DAP3: variants seen among roughly 807,000 people sequenced by gnomAD.
DAP3 encodes death associated protein 3.
A neutral mutation model predicts 51.9 loss-of-function variants in DAP3; 28 were observed. The ratio of observed to expected loss-of-function variants is 0.54; its 90% CI spans 0.40 to 0.74. DAP3 has a LOEUF of 0.74. Among genes scored for constraint, DAP3 ranks in the 30% least tolerant of loss-of-function variants. The pLI, the probability that DAP3 is intolerant of heterozygous loss-of-function variation, is 0.00. For synonymous variants in DAP3, 170 were observed against 170.3 expected, an observed-to-expected ratio of 1.00 and a Z score of 0.01; for missense variants, 458 against 483.5, an observed-to-expected ratio of 0.95 and a Z score of 0.49.
intron 11 of DAP3, chr1:155,736,560 G>A (rs1188788435): frequency 4.0e-6 from 1 of 249,400 alleles, no homozygotes; most frequent in East Asian, 1.3e-4. Context: ...GGGGCTAGAG[G>A]CACGCAGCAC....
intron 7 of DAP3, among the ~76,000 whole-genome samples, chr1:155,728,599 CATG>C (rs2149191927): frequency 6.6e-6 from 1 of 151,970 alleles, no homozygotes; most frequent in African/African-American, 2.4e-5. Flanking sequence ...GTGGCTCAGA[CATG>C]TAATTCCAGC....
intron 4 of DAP3, 28 bp from the exon 5 acceptor site, chr1:155,725,354 A>G (rs1174326266): frequency 6.3e-7 from 1 of 1,599,516 alleles, no homozygotes; most frequent in Non-Finnish European, 8.6e-7. Context: ...ACACCCACCC[A>G]CTCTTTCCTT....
rs776888211 is a variant in DAP3 at position 155,692,802 on chromosome 1, G to T, written c.-8+3628G>T. Among the ~76,000 whole-genome samples, 2 of 141,996 alleles carry T rather than the reference G, an allele frequency of 1.4e-5. 1 individual carries two copies. Among genetic ancestry groups the T allele is most frequent in the African/African-American group, 6.4e-5 (2 of 31,472 alleles). The allele number at this position is 141,996 out of a possible 152,430, so 93.2% of individuals were successfully genotyped here. On this transcript the variant is annotated intron_variant, in intron 1 of 12. Transcript: ENST00000368336. Reference sequence around the variant, plus strand: ...ATTGCATTTGCAATCGATGCTCTAAGCTTATTATACGATCTCTCATCCAAA... The same window carrying T: ...ATTGCATTTGCAATCGATGCTCTAATCTTATTATACGATCTCTCATCCAAA...
intron 2 of DAP3, among the ~76,000 whole-genome samples, chr1:155,712,882 G>T (rs1656891430): frequency 6.6e-6 from 1 of 152,132 alleles, no homozygotes. Flanking sequence ...AGCTAAAGAG[G>T]CATGGTGCTT....
chr1:155,704,454 G>A (rs1341016421), intron 1 of DAP3, among the ~76,000 whole-genome samples: 1 of 152,168 alleles, frequency 6.6e-6, no homozygotes. Flanking sequence ...AGTAGTGGTT[G>A]TGCCGGGGAG....
At chr1:155,724,968 G>A (rs1200420445) in intron 4 of DAP3, among the ~76,000 whole-genome samples, 1 of 150,438 alleles carries the variant, frequency 6.6e-6, no homozygotes, top group Non-Finnish European at 1.5e-5. Flanking sequence ...AAAAAAAAAA[G>A]AAAAAAAATT....
intron 6 of DAP3, 98 bp downstream of exon 6, chr1:155,726,117 T>C (rs1658552946): frequency 1.0e-6 from 1 of 967,960 alleles, no homozygotes; most frequent in African/African-American, 1.7e-5. Flanking sequence ...TCTTTTCTTT[T>C]TTTTTTTTTT....
intron 3 of DAP3, among the ~76,000 whole-genome samples, chr1:155,720,814 G>C (rs188655915): frequency 1.3e-5 from 2 of 151,920 alleles, no homozygotes; most frequent in Non-Finnish European, 2.9e-5. Flanking sequence ...CGAGGTGAGC[G>C]GATCACGAGG....
chr1:155,700,571 G>A (rs1655081368), intron 1 of DAP3, among the ~76,000 whole-genome samples: 1 of 150,982 alleles, frequency 6.6e-6, no homozygotes, highest in Non-Finnish European at 1.5e-5. Context: ...GGGAGGTGGG[G>A]GGTCAGCCCC....
At chr1:155,711,410 T>C (rs1442718484) in intron 2 of DAP3, among the ~76,000 whole-genome samples, 1 of 152,014 alleles carries the variant, frequency 6.6e-6, no homozygotes, top group Non-Finnish European at 1.5e-5. Context: ...AGAGAATCGC[T>C]TGAACCCAAG....
chr1:155,698,262 G>C (rs1427680150), intron 1 of DAP3, among the ~76,000 whole-genome samples: 1 of 152,242 alleles, frequency 6.6e-6, no homozygotes, highest in East Asian at 1.9e-4. Context: ...TAAGAGTATT[G>C]ATTGGGGAGG....
intron 1 of DAP3, chr1:155,689,639 C>G (rs1300429543): frequency 1.4e-5 from 5 of 352,472 alleles, no homozygotes; most frequent in African/African-American, 1.1e-4. Flanking sequence ...TAGGGCTGGG[C>G]GCGGTGGCTC....
At position 155,706,500 on chromosome 1, in the gene DAP3, G is replaced by A. The variant is rs113574713; in HGVS notation, c.-7-3273G>A. Among the ~76,000 whole-genome samples the A allele has an allele frequency of 5.7e-3, 869 of 152,254 alleles. 7 individuals are homozygous for A. Among genetic ancestry groups the A allele is most frequent in the African/African-American group, 0.02 (819 of 41,542 alleles). On this transcript the variant is annotated intron_variant, in intron 1 of 12. Coordinates refer to ENST00000368336, the MANE Select transcript of DAP3 (RefSeq NM_004632.4). ...GGTTGTGAAAGGTGTGTCTGGGTGC[G>A]GTGGCTCACGCCTGTAATCCCTTTG...
At chr1:155,724,657 A>G (rs1487030451) in intron 4 of DAP3, among the ~76,000 whole-genome samples, 2 of 136,394 alleles carry the variant, frequency 1.5e-5, no homozygotes, top group African/African-American at 2.9e-5. Flanking sequence ...AAAAAAAATC[A>G]ACTAAAAATA....
intron 7 of DAP3, among the ~76,000 whole-genome samples, chr1:155,728,733 G>T (rs749184616): frequency 2.7e-4 from 41 of 151,966 alleles, no homozygotes; most frequent in Non-Finnish European, 2.5e-4. Flanking sequence ...GGTGACACAC[G>T]CCTGAAATCC....
In DAP3 at chr1:155,717,013, C is replaced by T. The variant is rs1278123325; in HGVS notation, c.53C>T (p.Pro18Leu). Reference sequence around the variant, plus strand: ...AAATGGTTTCTCTTATAGTTGGACCCTGGGCGTTTTTTACACATGGGGACC... The same window carrying T: ...AAATGGTTTCTCTTATAGTTGGACCTTGGGCGTTTTTTACACATGGGGACC... ...RLISRIHKLD[P>L]GRFLHMGTQA... Residue 18 changes from proline (P) to leucine (L), a missense_variant, in exon 3 of 13, where the codon CCT becomes CTT. Physicochemically the swap from Pro to Leu is moderately conservative, Grantham distance 98 (BLOSUM62 -3). Transcript: ENST00000368336. The T allele has an allele frequency of 1.9e-6, 3 of 1,613,662 alleles. No individual in the cohort carries two copies. The Admixed American group carries it at 5.0e-5, about 27-fold the overall frequency.
chr1:155,697,920 G>A (rs1222783137), intron 1 of DAP3, among the ~76,000 whole-genome samples: 2 of 152,092 alleles, frequency 1.3e-5, no homozygotes, highest in Non-Finnish European at 2.9e-5. Context: ...TGTCTCCCTG[G>A]GAATGCATTC....
intron 4 of DAP3, among the ~76,000 whole-genome samples, chr1:155,723,451 C>T (rs963034388): frequency 1.3e-5 from 2 of 152,200 alleles, no homozygotes; most frequent in African/African-American, 2.4e-5. Flanking sequence ...GCCTCAGCCT[C>T]CCAAAGAGCT....
At chr1:155,694,102 G>A (rs796953802) in intron 1 of DAP3, among the ~76,000 whole-genome samples, 3 of 141,610 alleles carry the variant, frequency 2.1e-5, no homozygotes, top group Admixed American at 6.6e-5. Context: ...TGGATGATCC[G>A]GGCTCCATCC....
Sources: allele counts gnomAD v4.1 joint callset (sites outside exome capture counted in the v4.1 genomes callset), GRCh38; gene constraint gnomAD v4.1.1; transcripts MANE v1.5; gene names NCBI Gene and HGNC (gene_info 2026-07-23, HGNC 2026-07-21).